Variants in WASF2 observed in about 807,000 individuals in gnomAD.
WASF2 encodes actin-binding protein WASF2.
A neutral mutation model predicts 45.0 loss-of-function variants in WASF2; 14 were observed. The observed-to-expected ratio is 0.31, with a 90% CI of 0.21 to 0.49. WASF2 has a LOEUF of 0.49. Ranked by LOEUF, WASF2 falls within the 20% of genes least tolerant of loss-of-function variation. The probability of loss-of-function intolerance (pLI) is 0.99; values close to 1 mark genes in which losing one functional copy is unlikely to be tolerated. For missense variants in WASF2, 439 were observed against 636.1 expected (o/e 0.69, Z 3.33); for synonymous variants, 200 against 236.3 (o/e 0.85, Z 1.41).
rs1252186312 is a variant in WASF2, at chr1:27,410,027, G to A, written c.1004C>T (p.Pro335Leu). The change falls in exon 8 of 9, where the codon CCA (proline) becomes CTA (leucine). Residue 335 changes from proline to leucine, a missense_variant. Pro to Leu is a moderately conservative substitution (Grantham distance 98). Around this residue, in one of 5 missense-constraint regions of WASF2, gnomAD observed 286 missense variants for 373.5 expected, o/e 0.77. Coordinates refer to ENST00000618852, the MANE Select transcript of WASF2 (RefSeq NM_006990.5). This position sits in a 1 kb window ranked among gnomAD's most constrained non-coding sequence, Gnocchi z 4.2. Reference protein sequence around the residue: ...PPPPMIGIPPPPPPVGFGSPG... With the variant: ...PPPPMIGIPPLPPPVGFGSPG... ...AGACCCAAATCCTACAGGCGGTGGT[G>A]GAGGTGGGATGCCTATCATTGGAGG... 1.9e-6 allele frequency: 3 copies of A among 1,613,890 alleles called. No homozygotes were observed. Among genetic ancestry groups the A allele is most frequent in the Admixed American group, 1.7e-5 (1 of 60,006 alleles).
In WASF2 at chr1:27,462,543, C is replaced by T. The variant is rs1260808338; in HGVS notation, c.-44+27443G>A. Reference sequence around the variant, plus strand: ...CTGGTCTCAAATTCCTGGGCTCAAGCGATCCTCCCATCTTGGCCTTCCAAA... The same window carrying T: ...CTGGTCTCAAATTCCTGGGCTCAAGTGATCCTCCCATCTTGGCCTTCCAAA... On this transcript the variant is annotated intron_variant, in intron 1 of 8. Transcript: ENST00000618852. 6.6e-4 allele frequency among the ~76,000 whole-genome samples: 101 copies of T among 151,992 alleles called. 2 individuals are homozygous for T. Among genetic ancestry groups the T allele is most frequent in the Non-Finnish European group, 8.8e-5 (6 of 67,938 alleles).
chr1:27,468,589 C>T (rs2017646878), intron 1 of WASF2, among the ~76,000 whole-genome samples: 1 of 151,118 alleles, frequency 6.6e-6, no homozygotes, highest in Non-Finnish European at 1.5e-5. Flanking sequence ...TACAATGAGC[C>T]GAGATTGCGC....
At chr1:27,476,511 T>C (rs2017768619) in intron 1 of WASF2, among the ~76,000 whole-genome samples, 1 of 152,078 alleles carries the variant, frequency 6.6e-6, no homozygotes, top group Non-Finnish European at 1.5e-5. Context: ...GGGTATTACA[T>C]TTCAACATGA....
chr1:27,469,315 GTA>G (rs1341152277), intron 1 of WASF2, among the ~76,000 whole-genome samples: 19 of 152,120 alleles, frequency 1.2e-4, no homozygotes, highest in African/African-American at 4.3e-4. Context: ...CTCCACATCT[GTA>G]TATGTTTGAA....
At chr1:27,432,509 G>A (rs1437024572) in intron 1 of WASF2, among the ~76,000 whole-genome samples, 5 of 151,526 alleles carry the variant, frequency 3.3e-5, no homozygotes, top group African/African-American at 1.2e-4. Context: ...TTAGCTGGGC[G>A]CGGTGGCAGG....
intron 4 of WASF2, 107 bp from the exon 5 acceptor site, chr1:27,416,209 A>G: frequency 1.1e-6 from 1 of 938,300 alleles, no homozygotes; most frequent in Non-Finnish European, 1.7e-6. Flanking sequence ...CAAGGAATCA[A>G]GAAGTCATTT....
At chr1:27,434,331 T>C (rs2017103902) in intron 1 of WASF2, among the ~76,000 whole-genome samples, 1 of 152,194 alleles carries the variant, frequency 6.6e-6, no homozygotes, top group Non-Finnish European at 1.5e-5. Flanking sequence ...ATTCTGGGCT[T>C]TGTGTCCTCA....
At chr1:27,422,785 TGA>T (rs1218800255) in intron 2 of WASF2, among the ~76,000 whole-genome samples, 1 of 152,048 alleles carries the variant, frequency 6.6e-6, no homozygotes, top group Non-Finnish European at 1.5e-5. Flanking sequence ...GCTAAAAATG[TGA>T]GTTGTTACAA....
chr1:27,459,359 G>GCTATGTTATC (rs1369444581), intron 1 of WASF2: 3 of 151,834 alleles, frequency 2.0e-5, no homozygotes, highest in Admixed American at 2.0e-4. Flanking sequence ...ACAAGGTCTG[G>GCTATGTTATC]CTATGTTATC....
In WASF2 at chr1:27,410,217, A is replaced by G. The variant is rs753032343; in HGVS notation, c.825-11T>C. 4.0e-5 allele frequency: 64 copies of G among 1,613,840 alleles called. No homozygotes were observed. Among genetic ancestry groups the G allele is most frequent in the Non-Finnish European group, 5.4e-5 (64 of 1,179,930 alleles). ...TTGTCCACTGGGTAACTAAAAGGCC[A>G]AAGAAAAAAAGACTCACCATCACCC... On this transcript the variant is annotated splice_polypyrimidine_tract_variant and intron_variant, in intron 7 of 8. Transcript: ENST00000618852. This position sits in a 1 kb window ranked among gnomAD's most constrained non-coding sequence, Gnocchi z 4.2.
intron 1 of WASF2, among the ~76,000 whole-genome samples, chr1:27,444,099 G>T (rs1483199704): frequency 6.6e-6 from 1 of 151,980 alleles, no homozygotes; most frequent in African/African-American, 2.4e-5. Flanking sequence ...TTATTTTTTT[G>T]AGACAGGGTC....
At chr1:27,482,478 T>C (rs113484002) in intron 1 of WASF2, among the ~76,000 whole-genome samples, 5 of 152,212 alleles carry the variant, frequency 3.3e-5, no homozygotes, top group African/African-American at 1.2e-4. Flanking sequence ...GCAATGCTGG[T>C]TATCCTTTAA....
In WASF2 at chr1:27,404,528, G is replaced by C. The variant is rs2016636107; in HGVS notation, c.*3661C>G. ...CTCCTTTCCCATCCTCAGGGGAAGA[G>C]TGCCTGTTTTCAAACGGCATCCCTA... On this transcript the variant is annotated 3_prime_UTR_variant, in exon 9 of 9. Transcript: ENST00000618852. The C allele has an allele frequency of 2.0e-5, 3 of 152,178 alleles. No individual in the cohort carries two copies. The highest frequency in any genetic ancestry group is 1.9e-4 in the East Asian group (1 of 5,200). 9.4% of individuals were successfully genotyped at this position (152,178 alleles called of 1,614,324 possible).
At chr1:27,435,141 T>C (rs1397189066) in intron 1 of WASF2, among the ~76,000 whole-genome samples, 1 of 152,140 alleles carries the variant, frequency 6.6e-6, no homozygotes, top group African/African-American at 2.4e-5. Context: ...GAGATGGGGT[T>C]TCTCCATGTT....
rs147359125 is a variant in WASF2 at position 27,467,918 on chromosome 1, T to C, written c.-44+22068A>G. On this transcript the variant is annotated intron_variant, in intron 1 of 8. Transcript: ENST00000618852. The stretch of plus-strand genomic sequence containing the variant: ...CAGAGCAATTTCCTGTTTCTTCTTA[T>C]CTTTTTAATGTGCCAAATAATTTTT... 1.4e-3 allele frequency among the ~76,000 whole-genome samples: 206 copies of C among 151,750 alleles called. 1 individual carries two copies. The highest frequency in any genetic ancestry group is 4.8e-3 in the African/African-American group (199 of 41,450).
At position 27,408,027 on chromosome 1, in the gene WASF2, G is replaced by T; in HGVS notation, c.*162C>A. 1 of 778,246 alleles carries T rather than the reference G, an allele frequency of 1.3e-6. No individual in the cohort carries two copies. Among genetic ancestry groups the T allele is most frequent in the Non-Finnish European group, 2.0e-6 (1 of 512,124 alleles). The allele number at this position is 778,246 out of a possible 1,614,324, so 48.2% of individuals were successfully genotyped here. On this transcript the variant is annotated 3_prime_UTR_variant, in exon 9 of 9. Transcript: ENST00000618852. ...GGGAGAGGAAATACATGTTGACTTGGAGGAAGCACTTGGATATATCTTTGG... is the reference window on the plus strand; with the variant it reads ...GGGAGAGGAAATACATGTTGACTTGTAGGAAGCACTTGGATATATCTTTGG...
intron 2 of WASF2, among the ~76,000 whole-genome samples, chr1:27,421,272 C>G (rs2016904956): frequency 6.6e-6 from 1 of 152,164 alleles, no homozygotes; most frequent in Non-Finnish European, 1.5e-5. Flanking sequence ...CCTATGAAAA[C>G]CATACTGTAT....
At chr1:27,464,759 C>T (rs1045545237) in intron 1 of WASF2, among the ~76,000 whole-genome samples, 16 of 152,338 alleles carry the variant, frequency 1.1e-4, no homozygotes, top group African/African-American at 3.4e-4. Flanking sequence ...GACAGAGTCT[C>T]GCTCTGTCGC....
At chr1:27,446,168 A>G (rs1295253004) in intron 1 of WASF2, among the ~76,000 whole-genome samples, 2 of 152,146 alleles carry the variant, frequency 1.3e-5, no homozygotes, top group African/African-American at 2.4e-5. Flanking sequence ...ACTAGATTTA[A>G]TATCTTAATC....
Sources: allele counts gnomAD v4.1 joint callset (sites outside exome capture counted in the v4.1 genomes callset), GRCh38; gene constraint gnomAD v4.1.1; regional missense constraint gnomAD v4.1.1; non-coding constraint Gnocchi (gnomAD v3.1); transcripts MANE v1.5; gene names NCBI Gene and HGNC (gene_info 2026-07-23, HGNC 2026-07-21).